BAIAP2L2: variants seen among roughly 807,000 people sequenced by gnomAD.
BAIAP2L2 encodes the protein BAR/IMD domain containing adaptor protein 2 like 2, also known as BAR/IMD domain-containing adapter protein 2-like 2.
BAIAP2L2 carries 65 observed loss-of-function variants against 60.4 expected under a neutral mutation model. That is an observed-to-expected ratio of 1.08 (90% CI 0.88 to 1.32). The LOEUF is 1.32. BAIAP2L2 is among the 40% of genes most tolerant of loss of function. BAIAP2L2 has a pLI of 0.00. For synonymous variants in BAIAP2L2, 344 were observed against 301.7 expected (o/e 1.14, Z -1.45); for missense variants, 836 against 741.2 (o/e 1.13, Z -1.48).
intron 4 of BAIAP2L2, among the ~76,000 whole-genome samples, chr22:38,103,453 G>T (rs2086604514): frequency 6.6e-6 from 1 of 152,112 alleles, no homozygotes; most frequent in Non-Finnish European, 1.5e-5. Flanking sequence ...AAAACAAAAA[G>T]TAAAAACAGG....
At chr22:38,108,807 A>G (rs1171183548) in intron 2 of BAIAP2L2, among the ~76,000 whole-genome samples, 1 of 151,618 alleles carries the variant, frequency 6.6e-6, no homozygotes, top group Admixed American at 6.6e-5. Context: ...CATCCAGGTG[A>G]CGCCTAGAAA....
intron 4 of BAIAP2L2, among the ~76,000 whole-genome samples, chr22:38,102,969 C>T (rs922986429): frequency 1.4e-4 from 22 of 151,750 alleles, no homozygotes; most frequent in African/African-American, 5.1e-4. Flanking sequence ...TGGCGTGAAC[C>T]TGGGAGGCGG....
At chr22:38,107,817 A>G in intron 4 of BAIAP2L2, 35 bp downstream of exon 4, 3 of 1,601,710 alleles carry the variant, frequency 1.9e-6, no homozygotes, top group Non-Finnish European at 2.6e-6. Flanking sequence ...ACTTTCCTCG[A>G]GTGACCCCTC....
intron 7 of BAIAP2L2, among the ~76,000 whole-genome samples, chr22:38,093,471 G>T (rs1341067467): frequency 6.6e-6 from 1 of 152,224 alleles, no homozygotes; most frequent in Non-Finnish European, 1.5e-5. Context: ...TCACCCACGA[G>T]GAGGCAGTCA....
intron 4 of BAIAP2L2, 56 bp downstream of exon 4, chr22:38,107,796 G>A: frequency 6.5e-7 from 1 of 1,546,292 alleles, no homozygotes; most frequent in Non-Finnish European, 8.9e-7. Context: ...CCTCTCCTTG[G>A]AACATAGCCC....
At position 38,109,134 on chromosome 22, in the gene BAIAP2L2, G is replaced by T. The variant is rs180955272; in HGVS notation, c.126C>A (p.His42Gln). The T allele has an allele frequency of 2.5e-6, 4 of 1,611,702 alleles. No individual in the cohort carries two copies. In the South Asian group the frequency reaches 4.4e-5, roughly 18 times the overall value. ...TCGGTGGCCCGGGCAGGCACTCACCGTGGAAGGCACGCAGGTAGTTGTTGC... is the reference window on the plus strand; with the variant it reads ...TCGGTGGCCCGGGCAGGCACTCACCTTGGAAGGCACGCAGGTAGTTGTTGC... ...YLGNNYLRAF[H>Q]ALSEAAEVYF... Residue 42 changes from histidine (H) to glutamine (Q), a missense_variant and splice_region_variant, in exon 2 of 14, where the codon CAC (histidine) becomes CAA (glutamine). Coordinates refer to ENST00000381669, the MANE Select transcript of BAIAP2L2 (RefSeq NM_025045.6).
chr22:38,092,288 TGA>T (rs920978282), intron 7 of BAIAP2L2, among the ~76,000 whole-genome samples: 7 of 152,162 alleles, frequency 4.6e-5, no homozygotes, highest in African/African-American at 1.7e-4. Flanking sequence ...CTTCTTTTTT[TGA>T]GAGAGAGAGC....
intron 5 of BAIAP2L2, 58 bp from the exon 6 acceptor site, chr22:38,098,237 C>A: frequency 1.3e-6 from 2 of 1,569,976 alleles, no homozygotes; most frequent in Non-Finnish European, 8.8e-7. Flanking sequence ...GCTCAAGACA[C>A]CCCTCCCAGA....
In BAIAP2L2 at chr22:38,088,756, G is replaced by A. The variant is rs1156778795; in HGVS notation, c.1110C>T (p.Gly370=). The change falls in exon 10 of 14, where the codon GGC becomes GGT. Residue 370 remains glycine, a synonymous_variant. Transcript: ENST00000381669. ...CCAAGGCTCCCACTCACGCGGACGA[G>A]CCCTCCAGCTTGCCGTAGAGCCAGC... ...QNGWLYGKLE[G]SSASGWFPEA... 1 of 1,597,898 alleles carries A rather than the reference G, an allele frequency of 6.3e-7. No homozygotes were observed.
chr22:38,105,275 G>A (rs1433716370), intron 4 of BAIAP2L2, among the ~76,000 whole-genome samples: 1 of 151,432 alleles, frequency 6.6e-6, no homozygotes, highest in Non-Finnish European at 1.5e-5. Context: ...TTTCTGTCCA[G>A]ATTGCCCTTC....
intron 7 of BAIAP2L2, chr22:38,090,782 T>A (rs1313148708): frequency 6.6e-6 from 1 of 152,114 alleles, no homozygotes; most frequent in African/African-American, 2.4e-5. Context: ...TGTTGGTCTG[T>A]CCTTGAAGAT....
chr22:38,086,299 G>C lies in BAIAP2L2; in HGVS notation c.1410C>G (p.Pro470=). The C allele has an allele frequency of 6.3e-7, 1 of 1,590,100 alleles. No homozygotes were observed. Among genetic ancestry groups the C allele is most frequent in the Middle Eastern group, 1.8e-4 (1 of 5,600 alleles). The change falls in exon 12 of 14, where the codon CCC becomes CCG. Residue 470 remains proline (P), a synonymous_variant. Coordinates refer to ENST00000381669, the MANE Select transcript of BAIAP2L2 (RefSeq NM_025045.6). ...TGCTGCTGCGGCGGCTGCTGGGCAA[G>C]GGTGGAGGTGCAGGGCTGGGGGCAC... ...PSRAPSPAPP[P]LPSSRRSSMG...
Position 38,088,737 on chromosome 22 carries a change from C to T in BAIAP2L2, c.1118+11G>A. Reference sequence around the variant, plus strand: ...CAACCCACCCCCGGCCCCTCCAAGGCTCCCACTCACGCGGACGAGCCCTCC... The same window carrying T: ...CAACCCACCCCCGGCCCCTCCAAGGTTCCCACTCACGCGGACGAGCCCTCC... On this transcript the variant is annotated intron_variant, in intron 10 of 13. Coordinates refer to ENST00000381669, the MANE Select transcript of BAIAP2L2 (RefSeq NM_025045.6). 6.4e-7 allele frequency: 1 copy of T among 1,573,160 alleles called. No individual in the cohort carries two copies. The highest frequency in any genetic ancestry group is 8.6e-7 in the Non-Finnish European group (1 of 1,160,128).
chr22:38,105,503 G>A (rs906928663), intron 4 of BAIAP2L2, among the ~76,000 whole-genome samples: 5 of 151,756 alleles, frequency 3.3e-5, no homozygotes, highest in Admixed American at 2.0e-4. Context: ...CCACATGCGC[G>A]GCTAATTTTT....
chr22:38,108,572 A>G (rs777335873), intron 2 of BAIAP2L2, among the ~76,000 whole-genome samples: 3 of 152,056 alleles, frequency 2.0e-5, no homozygotes, highest in African/African-American at 4.8e-5. Flanking sequence ...GGGGGATGGG[A>G]GGCCCTGAGG....
At chr22:38,094,478 G>A (rs369427357) in intron 7 of BAIAP2L2, among the ~76,000 whole-genome samples, 1 of 152,116 alleles carries the variant, frequency 6.6e-6, no homozygotes, top group South Asian at 2.1e-4. Flanking sequence ...GAGCCACCGC[G>A]CCTGGCCGAG....
At chr22:38,100,524 C>G (rs991214096) in intron 4 of BAIAP2L2, among the ~76,000 whole-genome samples, 2 of 108,744 alleles carry the variant, frequency 1.8e-5, no homozygotes, top group African/African-American at 7.6e-5. Flanking sequence ...GGAACTCCGT[C>G]TCAATAAATA....
At chr22:38,092,714 A>G (rs1004171751) in intron 7 of BAIAP2L2, among the ~76,000 whole-genome samples, 1 of 152,010 alleles carries the variant, frequency 6.6e-6, no homozygotes, top group Admixed American at 6.6e-5. Flanking sequence ...TATGGTTTGG[A>G]TATTTGTCCT....
At chr22:38,088,719 C>A in intron 10 of BAIAP2L2, 29 bp downstream of exon 10, 2 of 1,251,882 alleles carry the variant, frequency 1.6e-6, no homozygotes, top group Non-Finnish European at 2.3e-6. Flanking sequence ...TCTCAACCCA[C>A]CCCCGGCCCC....
Sources: gnomAD v4.1 joint callset for allele counts (sites outside exome capture counted in the v4.1 genomes callset) on GRCh38, gnomAD v4.1.1 for gene constraint, MANE v1.5 for transcripts, NCBI Gene and HGNC (gene_info 2026-07-23, HGNC 2026-07-21) for gene names.